Variants in ANKRD30A observed in about 807,000 individuals in gnomAD.
ANKRD30A encodes the protein ankyrin repeat domain 30A.
A neutral mutation model predicts 166.3 loss-of-function variants in ANKRD30A; 170 were observed. That is an observed-to-expected ratio of 1.02 (90% CI 0.90 to 1.16). ANKRD30A has a LOEUF of 1.16. Among genes scored for constraint, ANKRD30A ranks in the 50% most tolerant of loss-of-function variants. The probability of loss-of-function intolerance (pLI) is 0.00; values close to 1 mark genes in which losing one functional copy is unlikely to be tolerated. For missense variants in ANKRD30A, 1,630 were observed against 1,518.0 expected, an observed-to-expected ratio of 1.07 and a Z score of -1.23; for synonymous variants, 564 against 508.9, an observed-to-expected ratio of 1.11 and a Z score of -1.46.
chr10:37,147,428 A>C lies in ANKRD30A; in HGVS notation c.1514A>C (p.Lys505Thr), dbSNP rs779033702. The C allele has an allele frequency of 6.3e-7, 1 of 1,593,506 alleles. No individual in the cohort carries two copies. Among genetic ancestry groups the C allele is most frequent in the East Asian group, 2.2e-5 (1 of 44,564 alleles). Residue 505 changes from lysine to threonine, a missense_variant, in exon 9 of 36, where the codon AAA becomes ACA. Lys to Thr is a moderately conservative substitution (Grantham distance 78). Transcript: ENST00000361713. ...QVCIPESIYQ[K>T]VMEINREVEE... ...TGTATACCTGAGTCTATATATCAAA[A>C]AGTAATGGAGATAAATAGAGAAGTA... is the stretch of plus-strand genomic sequence containing the variant.
chr10:37,225,102 T>G (rs1843084609), intron 34 of ANKRD30A, among the ~76,000 whole-genome samples: 1 of 151,108 alleles, frequency 6.6e-6, no homozygotes, highest in South Asian at 2.1e-4. Flanking sequence ...AAAACCATGA[T>G]TACTTCTCCC....
At position 37,130,207 on chromosome 10, in the gene ANKRD30A, T is replaced by C; in HGVS notation, c.339T>C (p.Ala113=). 6.3e-7 allele frequency: 1 copy of C among 1,579,360 alleles called. No homozygotes were observed. Among genetic ancestry groups the C allele is most frequent in the South Asian group, 1.2e-5 (1 of 85,464 alleles). Residue 113 remains alanine, a splice_region_variant and synonymous_variant, in exon 3 of 36, where the codon GCT becomes GCC. Coordinates refer to ENST00000361713, the MANE Select transcript of ANKRD30A (RefSeq NM_052997.3). ...AATTCTTGCTTTAATACTGACAGGCTCTACAATGCCATCAGGAGGCTTGTG... is the reference window on the plus strand; with the variant it reads ...AATTCTTGCTTTAATACTGACAGGCCCTACAATGCCATCAGGAGGCTTGTG... ...DGEHRTPLMK[A]LQCHQEACAN...
chr10:37,178,502 C>G, intron 24 of ANKRD30A: 1 of 975,226 alleles, frequency 1.0e-6, no homozygotes, highest in Non-Finnish European at 1.2e-6. Context: ...TTGGACGTTG[C>G]TCTGGGTAGC....
In ANKRD30A at chr10:37,194,486, G is replaced by C. The variant is rs376088050; in HGVS notation, c.2614+1228G>C. On this transcript the variant is annotated intron_variant, in intron 27 of 35. Transcript: ENST00000361713. ...CTCCCGAGTAGCTGGGACTCCAGGC[G>C]CGTGCCACCACGCCTGGCTAATGTT... Among the ~76,000 whole-genome samples, 14 of 151,694 alleles carry C rather than the reference G, an allele frequency of 9.2e-5. 1 individual carries two copies. The highest frequency in any genetic ancestry group is 2.9e-4 in the African/African-American group (12 of 41,282).
At chr10:37,195,787 C>T (rs541679292) in intron 27 of ANKRD30A, among the ~76,000 whole-genome samples, 7 of 152,072 alleles carry the variant, frequency 4.6e-5, no homozygotes, top group East Asian at 1.9e-4. Context: ...ATTTCTCAGG[C>T]GATGCTGCTG....
At chr10:37,233,214 G>T (rs1243428553), downstream of ANKRD30A, among the ~76,000 whole-genome samples, 2 of 152,072 alleles carry the variant, frequency 1.3e-5, no homozygotes, top group Non-Finnish European at 2.9e-5. Context: ...ACATAAATTT[G>T]ATGATCCCAG....
At chr10:37,209,646 A>C (rs1842175735) in intron 31 of ANKRD30A, among the ~76,000 whole-genome samples, 1 of 152,052 alleles carries the variant, frequency 6.6e-6, no homozygotes, top group Admixed American at 6.6e-5. Flanking sequence ...ACTTTCTTTT[A>C]TTTTAGGAGT....
intron 31 of ANKRD30A, among the ~76,000 whole-genome samples, chr10:37,206,380 C>A (rs1841996865): frequency 6.6e-6 from 1 of 152,170 alleles, no homozygotes; most frequent in South Asian, 2.1e-4. Context: ...ACTCATTACT[C>A]TTCTCTGTTA....
At chr10:37,158,707 A>C (rs1164323835) in intron 15 of ANKRD30A, 121 bp downstream of exon 15, 1 of 1,377,146 alleles carries the variant, frequency 7.3e-7, no homozygotes, top group Non-Finnish European at 9.9e-7. Context: ...ATTTTGATAC[A>C]ATAATGCCAA....
chr10:37,136,055 G>A (rs1836664828), intron 5 of ANKRD30A, among the ~76,000 whole-genome samples: 1 of 152,126 alleles, frequency 6.6e-6, no homozygotes, highest in African/African-American at 2.4e-5. Context: ...GCATCCCAAA[G>A]TGCTTGCATC....
At position 37,135,568 on chromosome 10, in the gene ANKRD30A, C is replaced by A. The variant is rs778704259; in HGVS notation, c.756-1039C>A. Among the ~76,000 whole-genome samples, 20 of 152,236 alleles carry A rather than the reference C, an allele frequency of 1.3e-4. No individual in the cohort carries two copies. In the Middle Eastern group the frequency reaches 0.01, roughly 78 times the overall value. On this transcript the variant is annotated intron_variant, in intron 5 of 35. Transcript: ENST00000361713. ...ATGAGAAAATACCAACTTGCATCTTCTTTGTGGAACTTACAAAAAACAGTG... is the reference window on the plus strand; with the variant it reads ...ATGAGAAAATACCAACTTGCATCTTATTTGTGGAACTTACAAAAAACAGTG...
chr10:37,214,665 T>C (rs1842512219), intron 31 of ANKRD30A, among the ~76,000 whole-genome samples: 1 of 151,188 alleles, frequency 6.6e-6, no homozygotes, highest in South Asian at 2.1e-4. Flanking sequence ...ACTCTTTGCT[T>C]TGCTGTCTTA....
intron 13 of ANKRD30A, among the ~76,000 whole-genome samples, chr10:37,156,051 A>C (rs1838355865): frequency 6.6e-6 from 1 of 151,638 alleles, no homozygotes; most frequent in South Asian, 2.1e-4. Context: ...AGTGCACTCC[A>C]GTCTGGGCAA....
At chr10:37,183,750 C>T (rs1311139424) in intron 24 of ANKRD30A, among the ~76,000 whole-genome samples, 1 of 148,176 alleles carries the variant, frequency 6.7e-6, no homozygotes, top group East Asian at 2.0e-4. Context: ...GAGAATAAAG[C>T]ATCTGGTTGT....
intron 27 of ANKRD30A, among the ~76,000 whole-genome samples, chr10:37,196,291 A>T (rs1313689671): frequency 1.3e-5 from 2 of 152,046 alleles, no homozygotes; most frequent in Non-Finnish European, 2.9e-5. Flanking sequence ...GAGTCCTACT[A>T]GAATTGGGGG....
At chr10:37,193,143 G>C (rs757686668) in intron 26 of ANKRD30A, 43 bp from the exon 27 acceptor site, 8 of 1,604,562 alleles carry the variant, frequency 5.0e-6, no homozygotes, top group Non-Finnish European at 6.8e-6. Flanking sequence ...ATTTTATGAA[G>C]TATACATTGT....
intron 12 of ANKRD30A, 71 bp downstream of exon 12, chr10:37,152,192 G>T (rs1837999452): frequency 5.3e-6 from 7 of 1,323,398 alleles, no homozygotes; most frequent in Non-Finnish European, 7.4e-6. Context: ...CAGAGGCTTA[G>T]GCTTTATTTT....
chr10:37,178,787 G>A (rs1839935385), intron 24 of ANKRD30A, among the ~76,000 whole-genome samples: 1 of 150,696 alleles, frequency 6.6e-6, no homozygotes, highest in Non-Finnish European at 1.5e-5. Flanking sequence ...TGCTAAAGCA[G>A]AGAGATTGTG....
At chr10:37,262,626 A>G in the ANKRD30A span, 1 of 153,900 alleles carries the variant, frequency 6.5e-6, no homozygotes, top group African/African-American at 2.4e-5. Flanking sequence ...AACAATAAAC[A>G]ACATCTGGCT....
Sources: allele counts gnomAD v4.1 joint callset (sites outside exome capture counted in the v4.1 genomes callset), GRCh38; gene constraint gnomAD v4.1.1; transcripts MANE v1.5; gene names NCBI Gene and HGNC (gene_info 2026-07-23, HGNC 2026-07-21).